Variants in DIAPH2 observed in about 807,000 individuals in gnomAD.
DIAPH2 encodes the protein protein diaphanous homolog 2.
Under a neutral mutation model 92.7 loss-of-function variants are expected in DIAPH2, and 35 were observed. That is an observed-to-expected ratio of 0.38 (90% CI 0.29 to 0.50). The LOEUF (loss-of-function observed/expected upper bound fraction) is 0.50, where lower values mean the gene tolerates loss of function less well. DIAPH2 is among the 20% of genes least tolerant of loss of function. The pLI is 0.94. For missense variants in DIAPH2, 701 were observed against 819.5 expected (o/e 0.86, Z 1.77); for synonymous variants, 301 against 280.4 (o/e 1.07, Z -0.73).
At chrX:97,249,083 A>G (rs1013739228) in intron 23 of DIAPH2, among the ~76,000 whole-genome samples, 9 of 106,952 alleles carry the variant, frequency 8.4e-5, no homozygotes, top group Non-Finnish European at 1.2e-4. Context: ...TTTTTCAAAT[A>G]TGTTATATTG....
chrX:97,276,375 G>A (rs7884944), intron 23 of DIAPH2, among the ~76,000 whole-genome samples: 1,455 of 111,215 alleles, frequency 0.013, 20 homozygotes, highest in African/African-American at 0.045. Flanking sequence ...AACTATATGT[G>A]GTAGTAAATT....
intron 22 of DIAPH2, among the ~76,000 whole-genome samples, chrX:97,194,326 G>A (rs1212168457): frequency 9.5e-6 from 1 of 105,001 alleles, no homozygotes; most frequent in Non-Finnish European, 2.0e-5. Context: ...CTGTTGCCCA[G>A]GCTGGAGTGC....
At chrX:96,946,903 A>G (rs992930403) in intron 14 of DIAPH2, among the ~76,000 whole-genome samples, 2 of 111,632 alleles carry the variant, frequency 1.8e-5, no homozygotes, top group Non-Finnish European at 3.8e-5. Flanking sequence ...GAAAACATGT[A>G]TGGTCTCCCA....
chrX:97,382,221 A>G (rs1315763081), intron 24 of DIAPH2, among the ~76,000 whole-genome samples: 1 of 112,185 alleles, frequency 8.9e-6, no homozygotes, highest in East Asian at 2.8e-4. Context: ...TCTTTCTTAG[A>G]CATCTATTTA....
chrX:97,485,178 C>G (rs2070679176), intron 26 of DIAPH2, among the ~76,000 whole-genome samples: 2 of 111,880 alleles, frequency 1.8e-5, no homozygotes. Flanking sequence ...AGTAGCACCA[C>G]CTGTCTCACA....
At chrX:96,729,597 G>T (rs2064042145) in intron 1 of DIAPH2, among the ~76,000 whole-genome samples, 1 of 112,004 alleles carries the variant, frequency 8.9e-6, no homozygotes, top group African/African-American at 3.2e-5. Context: ...AAATTATCCA[G>T]TGAAGTAACA....
intron 5 of DIAPH2, among the ~76,000 whole-genome samples, chrX:96,892,214 G>A (rs1255895757): frequency 9.0e-6 from 1 of 111,548 alleles, no homozygotes; most frequent in East Asian, 2.8e-4. Context: ...CATTTTGCAG[G>A]GGACTAACTA....
chrX:97,046,008 C>A lies in DIAPH2; in HGVS notation c.2051-26933C>A, dbSNP rs187671360. Among the ~76,000 whole-genome samples the A allele has an allele frequency of 4.4e-3, 475 of 107,858 alleles. 5 individuals are homozygous for A. The highest frequency in any genetic ancestry group is 5.9e-3 in the Non-Finnish European group (307 of 52,132). The allele number at this position is 107,858 out of a possible 115,157, so 93.7% of individuals were successfully genotyped here. On this transcript the variant is annotated intron_variant, in intron 17 of 26. Coordinates refer to ENST00000324765, the MANE Select transcript of DIAPH2 (RefSeq NM_006729.5). ...AGCTGGGACTACTACAGGTGCACAC[C>A]CCCATTCCTGGCTAAATTTTGTATT...
chrX:97,392,135 A>G (rs2069665595), intron 25 of DIAPH2, among the ~76,000 whole-genome samples: 1 of 112,158 alleles, frequency 8.9e-6, no homozygotes, highest in Admixed American at 9.5e-5. Flanking sequence ...TAGCTCTGCT[A>G]CCTAGCTTTA....
chrX:96,845,866 C>T (rs1293139114), intron 4 of DIAPH2, among the ~76,000 whole-genome samples: 2 of 111,547 alleles, frequency 1.8e-5, no homozygotes, highest in Non-Finnish European at 3.8e-5. Flanking sequence ...CTGCAACCTC[C>T]GACTCCTGGG....
At chrX:97,373,676 G>A (rs1023562410) in intron 24 of DIAPH2, among the ~76,000 whole-genome samples, 8 of 97,850 alleles carry the variant, frequency 8.2e-5, no homozygotes, top group Non-Finnish European at 1.6e-4. Flanking sequence ...GGCGCGACTC[G>A]GCTCACTGCA....
At chrX:97,508,267 A>T (rs1252703647) in intron 26 of DIAPH2, among the ~76,000 whole-genome samples, 7 of 112,041 alleles carry the variant, frequency 6.2e-5, no homozygotes, top group Non-Finnish European at 9.4e-5. Flanking sequence ...CCTCTTAGAT[A>T]CTACACTGCT....
At chrX:97,119,525 T>A (rs2067040177) in intron 21 of DIAPH2, among the ~76,000 whole-genome samples, 1 of 112,156 alleles carries the variant, frequency 8.9e-6, no homozygotes. Context: ...TTTGTGCTGG[T>A]TGGCCTCCTG....
intron 26 of DIAPH2, among the ~76,000 whole-genome samples, chrX:97,501,603 G>A (rs774861704): frequency 9.1e-6 from 1 of 110,420 alleles, no homozygotes; most frequent in South Asian, 3.8e-4. Context: ...TTAAAAGATC[G>A]TAATTTATTT....
At chrX:97,362,344 A>T (rs2069333978) in intron 24 of DIAPH2, among the ~76,000 whole-genome samples, 1 of 112,125 alleles carries the variant, frequency 8.9e-6, no homozygotes, top group African/African-American at 3.2e-5. Flanking sequence ...GTATTATTTG[A>T]ATTGTCAAAC....
intron 4 of DIAPH2, among the ~76,000 whole-genome samples, chrX:96,876,939 TATTAA>T (rs993411257): frequency 1.8e-5 from 2 of 110,883 alleles, no homozygotes. Flanking sequence ...GCAAATTGCA[TATTAA>T]ATTATTTTAA....
chrX:97,152,097 A>G (rs1347294311), intron 22 of DIAPH2, among the ~76,000 whole-genome samples: 2 of 111,689 alleles, frequency 1.8e-5, no homozygotes, highest in Non-Finnish European at 3.8e-5. Flanking sequence ...TTTCATCACC[A>G]CCAGTCCCTC....
At position 96,699,087 on chromosome X, in the gene DIAPH2, G is replaced by T. The variant is rs764263107; in HGVS notation, c.132+13897G>T. Among the ~76,000 whole-genome samples, 27 of 111,140 alleles carry T rather than the reference G, an allele frequency of 2.4e-4. No individual in the cohort carries two copies. The South Asian group carries it at 0.01, about 42-fold the overall frequency. On this transcript the variant is annotated intron_variant, in intron 1 of 26. Coordinates refer to ENST00000324765, the MANE Select transcript of DIAPH2 (RefSeq NM_006729.5). The stretch of plus-strand genomic sequence containing the variant: ...ATATTGGTTCTGTTCATACAACTGT[G>T]TACAACACAGCATGAAACTAGAAAG...
intron 4 of DIAPH2, among the ~76,000 whole-genome samples, chrX:96,850,168 A>C (rs1472763869): frequency 1.8e-5 from 2 of 111,623 alleles, no homozygotes; most frequent in Non-Finnish European, 3.8e-5. Context: ...CTAATAGTAT[A>C]GTATTGGCTG....
Sources: gnomAD v4.1 joint callset for allele counts (sites outside exome capture counted in the v4.1 genomes callset) on GRCh38, gnomAD v4.1.1 for gene constraint, MANE v1.5 for transcripts, NCBI Gene and HGNC (gene_info 2026-07-23, HGNC 2026-07-21) for gene names.